TMEM216: variants seen among roughly 807,000 people sequenced by gnomAD.
TMEM216 encodes the protein transmembrane protein 216.
A neutral mutation model predicts 17.8 loss-of-function variants in TMEM216; 15 were observed. The observed-to-expected ratio is 0.84, with a 90% CI of 0.56 to 1.30. The LOEUF (loss-of-function observed/expected upper bound fraction) is 1.30, where lower values mean the gene tolerates loss of function less well. TMEM216 is among the 50% of genes most tolerant of loss of function. The probability of loss-of-function intolerance (pLI) is 0.00; values close to 1 mark genes in which losing one functional copy is unlikely to be tolerated. For synonymous variants in TMEM216, 58 were observed against 73.5 expected (o/e 0.79, Z 1.08); for missense variants, 160 against 175.7 (o/e 0.91, Z 0.51).
At position 61,398,807 on chromosome 11, in the gene TMEM216, AAACT is replaced by A. The variant is rs1259327054; in HGVS notation, c.*536_*539del. ...GTGTTATTTTTCTACTCTCTTCATG[AAACT>A]AACTTTATTTTATAATAAATATGTA... On this transcript the variant is annotated 3_prime_UTR_variant, in exon 5 of 5. Transcript: ENST00000515837. The A allele has an allele frequency of 6.5e-6, 1 of 152,834 alleles. No homozygotes were observed. The highest frequency in any genetic ancestry group is 1.5e-5 in the Non-Finnish European group (1 of 68,212). The allele number at this position is 152,834 out of a possible 1,614,324, so 9.5% of individuals were successfully genotyped here. A position where few individuals can be genotyped will look rare whatever the true frequency, so the allele number is the denominator to read the frequency against.
Position 61,393,876 on chromosome 11 carries a change from A to G in TMEM216, c.137-8A>G, listed in dbSNP as rs2135190973. 1 of 1,612,056 alleles carries G rather than the reference A, an allele frequency of 6.2e-7. No individual in the cohort carries two copies. The highest frequency in any genetic ancestry group is 1.1e-5 in the South Asian group (1 of 90,936). ...GCTGTTTGCAAACTCTGGCTTTTGT[A>G]TTGGCAGGTGTCCTGCTACCATATC... On this transcript the variant is annotated splice_region_variant and splice_polypyrimidine_tract_variant and intron_variant, in intron 2 of 4. Coordinates refer to ENST00000515837, the MANE Select transcript of TMEM216 (RefSeq NM_001173990.3).
intron 3 of TMEM216, 66 bp from the exon 4 acceptor site, chr11:61,397,708 A>T (rs1212746437): frequency 3.4e-6 from 5 of 1,472,946 alleles, no homozygotes; most frequent in Non-Finnish European, 4.7e-6. Context: ...CACATCTCCC[A>T]CGCCTTTCCC....
intron 3 of TMEM216, among the ~76,000 whole-genome samples, chr11:61,397,157 TTC>T (rs1196272057): frequency 4.6e-5 from 7 of 151,956 alleles, no homozygotes; most frequent in Non-Finnish European, 1.0e-4. Flanking sequence ...AAAAATTATT[TTC>T]TGTGTTGAAA....
At position 61,393,336 on chromosome 11, in the gene TMEM216, A is replaced by G. The variant is rs141905811; in HGVS notation, c.136+4A>G. 1.3e-6 allele frequency: 2 copies of G among 1,527,904 alleles called. No individual in the cohort carries two copies. The highest frequency in any genetic ancestry group is 1.4e-5 in the African/African-American group (1 of 73,018). 94.6% of individuals were successfully genotyped at this position (1,527,904 alleles called of 1,614,324 possible). On this transcript the variant is annotated splice_donor_region_variant and intron_variant, in intron 2 of 4. Coordinates refer to ENST00000515837, the MANE Select transcript of TMEM216 (RefSeq NM_001173990.3). ...CTTTTCATATTTCTGTATAAAGGTA[A>G]GGAAGGCTTGGGGCTTGACGACAGC...
chr11:61,397,817 T>G lies in TMEM216; in HGVS notation c.273T>G (p.Ile91Met). The change falls in exon 4 of 5, where the codon ATT becomes ATG. Residue 91 changes from isoleucine to methionine, a missense_variant. Physicochemically the swap from Ile to Met is conservative, Grantham distance 10. Transcript: ENST00000515837. ...NLCQRKMPLS[I>M]SVALTFPSAM... ...GCCAGCGAAAGATGCCGCTCAGTATTAGCGTGGCCTTGACCTTCCCATCTG... is the reference window on the plus strand; with the variant it reads ...GCCAGCGAAAGATGCCGCTCAGTATGAGCGTGGCCTTGACCTTCCCATCTG... 2.5e-6 allele frequency: 4 copies of G among 1,613,890 alleles called. No individual in the cohort carries two copies. Among genetic ancestry groups the G allele is most frequent in the Non-Finnish European group, 3.4e-6 (4 of 1,179,900 alleles).
At chr11:61,396,827 G>A (rs919271756) in intron 3 of TMEM216, among the ~76,000 whole-genome samples, 5 of 151,336 alleles carry the variant, frequency 3.3e-5, no homozygotes, top group Non-Finnish European at 7.4e-5. Flanking sequence ...GCATAGTGAC[G>A]TGTACCTATA....
In TMEM216 at chr11:61,397,820, C is replaced by T. The variant is rs758830455; in HGVS notation, c.276C>T (p.Ser92=). Residue 92 remains serine, a synonymous_variant, in exon 4 of 5, where the codon AGC becomes AGT. Coordinates refer to ENST00000515837, the MANE Select transcript of TMEM216 (RefSeq NM_001173990.3). Reference sequence around the variant, plus strand: ...AGCGAAAGATGCCGCTCAGTATTAGCGTGGCCTTGACCTTCCCATCTGCCA... The same window carrying T: ...AGCGAAAGATGCCGCTCAGTATTAGTGTGGCCTTGACCTTCCCATCTGCCA... ...LCQRKMPLSI[S]VALTFPSAMM... 19 of 1,613,792 alleles carry T rather than the reference C, an allele frequency of 1.2e-5. No homozygotes were observed. The highest frequency in any genetic ancestry group is 8.0e-5 in the African/African-American group (6 of 74,932).
At chr11:61,393,382 C>A in intron 2 of TMEM216, 50 bp downstream of exon 2, 2 of 1,274,580 alleles carry the variant, frequency 1.6e-6, no homozygotes, top group South Asian at 1.3e-5. Flanking sequence ...CACTTCAGCT[C>A]AGAGCCAATT....
In TMEM216 at chr11:61,393,971, T is replaced by A. The variant is rs1298138851; in HGVS notation, c.224T>A (p.Phe75Tyr). The A allele has an allele frequency of 6.2e-7, 1 of 1,613,874 alleles. No individual in the cohort carries two copies. The highest frequency in any genetic ancestry group is 2.2e-5 in the East Asian group (1 of 44,900). Residue 75 changes from phenylalanine to tyrosine, a missense_variant, in exon 3 of 5, where the codon TTT (phenylalanine) becomes TAT (tyrosine). Physicochemically the swap from Phe to Tyr is conservative, Grantham distance 22 (BLOSUM62 3). Transcript: ENST00000515837. ...LYLGIEVIRL[F>Y]FGTKGNLCQR... ...CTTGGAATTGAAGTAATTCGCCTGT[T>A]TTTTGGTAAGTGTTGTCCAGAGAAT...
chr11:61,398,707 G>C lies in TMEM216; in HGVS notation c.*431G>C, dbSNP rs1453859979. The C allele has an allele frequency of 5.9e-6, 1 of 168,742 alleles. No homozygotes were observed. The highest frequency in any genetic ancestry group is 1.6e-4 in the East Asian group (1 of 6,064). 10.5% of individuals were successfully genotyped at this position (168,742 alleles called of 1,614,324 possible). A position where few individuals can be genotyped will look rare whatever the true frequency, so the allele number is the denominator to read the frequency against. On this transcript the variant is annotated 3_prime_UTR_variant, in exon 5 of 5. Coordinates refer to ENST00000515837, the MANE Select transcript of TMEM216 (RefSeq NM_001173990.3). ...AGCACGGAGAGCCTCATGTTGGTGGGTTTCCAGAGTGATGTGAAAGCCTCT... is the reference window on the plus strand; with the variant it reads ...AGCACGGAGAGCCTCATGTTGGTGGCTTTCCAGAGTGATGTGAAAGCCTCT...
At position 61,392,926 on chromosome 11, in the gene TMEM216, A is replaced by G. The variant is rs532873392; in HGVS notation, c.34+261A>G. 6.0e-5 allele frequency: 58 copies of G among 958,746 alleles called. No individual in the cohort carries two copies. In the African/African-American group the frequency reaches 8.8e-4, roughly 15 times the overall value. The allele number at this position is 958,746 out of a possible 1,614,324, so 59.4% of individuals were successfully genotyped here. A position where few individuals can be genotyped will look rare whatever the true frequency, so the allele number is the denominator to read the frequency against. ...CGAATCTGTTGGTCTCTGCGCCCCA[A>G]CTTCCCCTCCCAAATAGTGACAGAG... is the stretch of plus-strand genomic sequence containing the variant. On this transcript the variant is annotated intron_variant, in intron 1 of 4. Coordinates refer to ENST00000515837, the MANE Select transcript of TMEM216 (RefSeq NM_001173990.3).
chr11:61,392,743 C>T, intron 1 of TMEM216, 78 bp downstream of exon 1: 1 of 1,534,962 alleles, frequency 6.5e-7, no homozygotes, highest in East Asian at 2.4e-5. Context: ...CAGAGCTTGA[C>T]CTAAACCCTC....
intron 1 of TMEM216, chr11:61,392,880 A>G: frequency 1.0e-6 from 1 of 985,386 alleles, no homozygotes; most frequent in Non-Finnish European, 1.2e-6. Context: ...TGGCTGGGCC[A>G]CTTCTAGGCT....
chr11:61,395,085 T>C (rs1858770035), intron 3 of TMEM216, among the ~76,000 whole-genome samples: 1 of 152,158 alleles, frequency 6.6e-6, no homozygotes. Flanking sequence ...CAAGCAGTCC[T>C]CCAACTTCAG....
At chr11:61,394,102 C>T (rs752540228) in intron 3 of TMEM216, 126 bp downstream of exon 3, 29 of 833,976 alleles carry the variant, frequency 3.5e-5, no homozygotes, top group African/African-American at 5.1e-5. Context: ...CCTATTACTC[C>T]GTCTCTGAAG....
At chr11:61,394,713 C>T (rs1283565513) in intron 3 of TMEM216, among the ~76,000 whole-genome samples, 8 of 150,372 alleles carry the variant, frequency 5.3e-5, no homozygotes, top group Non-Finnish European at 1.2e-4. Flanking sequence ...GTCACCTGGG[C>T]TGGAGTGCAG....
rs368617773 is a variant in TMEM216, at chr11:61,397,798, G to A, written c.254G>A (p.Arg85Gln). Residue 85 changes from arginine to glutamine, a missense_variant, in exon 4 of 5, where the codon CGA becomes CAA. Transcript: ENST00000515837. ...GGTACAAAGGGAAACCTCTGCCAGC[G>A]AAAGATGCCGCTCAGTATTAGCGTG... ...FFGTKGNLCQ[R>Q]KMPLSISVAL... 81 of 1,613,398 alleles carry A rather than the reference G, an allele frequency of 5.0e-5. No homozygotes were observed. The highest frequency in any genetic ancestry group is 2.1e-4 in the South Asian group (19 of 91,064).
intron 1 of TMEM216, 140 bp downstream of exon 1, chr11:61,392,805 G>A (rs1264583127): frequency 2.6e-6 from 4 of 1,516,970 alleles, no homozygotes; most frequent in East Asian, 2.5e-5. Flanking sequence ...GCCGGCTTCC[G>A]CGGTCCCGCC....
chr11:61,398,097 G>T (rs895228081), intron 4 of TMEM216, 122 bp downstream of exon 4: 9 of 1,383,902 alleles, frequency 6.5e-6, no homozygotes, highest in Admixed American at 1.8e-5. Flanking sequence ...GGAGGAAGGG[G>T]TGGCTATGGG....
Sources: allele counts gnomAD v4.1 joint callset (sites outside exome capture counted in the v4.1 genomes callset), GRCh38; gene constraint gnomAD v4.1.1; transcripts MANE v1.5; gene names NCBI Gene and HGNC (gene_info 2026-07-23, HGNC 2026-07-21).